MAST1: variants seen among roughly 807,000 people sequenced by gnomAD.
MAST1 encodes microtubule associated serine/threonine kinase 1, also known as microtubule-associated serine/threonine-protein kinase 1.
Under a neutral mutation model 124.6 loss-of-function variants are expected in MAST1, and 40 were observed. That is an observed-to-expected ratio of 0.32 (90% confidence interval 0.25 to 0.42). The LOEUF (loss-of-function observed/expected upper bound fraction) is 0.42. Ranked by LOEUF, MAST1 falls within the 10% of genes least tolerant of loss-of-function variation. The pLI is 1.00. For missense variants in MAST1, 1,558 were observed against 2,181.9 expected (o/e 0.71, Z 5.70); for synonymous variants, 938 against 939.4 (o/e 1.00, Z 0.03).
chr19:12,856,457 C>T (rs1970018734), intron 10 of MAST1, among the ~76,000 whole-genome samples: 1 of 151,914 alleles, frequency 6.6e-6, no homozygotes, highest in African/African-American at 2.4e-5. Flanking sequence ...CAACCACCAC[C>T]ACGCCTGGCT....
Position 12,865,101 on chromosome 19 carries a change from A to T in MAST1, c.1561A>T (p.Met521Leu). 1 of 1,614,074 alleles carries T rather than the reference A, an allele frequency of 6.2e-7. No homozygotes were observed. Among genetic ancestry groups the T allele is most frequent in the Non-Finnish European group, 8.5e-7 (1 of 1,180,014 alleles). ...GCTCACAGATTTCGGCCTCTCCAAG[A>T]TGGGGCTCATGAGCCTCACCACCAA... ...IKLTDFGLSK[M>L]GLMSLTTNLY... is the part of the protein sequence containing the mutation. Residue 521 changes from methionine (M) to leucine (L), a missense_variant, in exon 14 of 26, where the codon ATG becomes TTG. By Grantham distance (15) the Met-to-Leu change is conservative (BLOSUM62 2). Coordinates refer to ENST00000251472, the MANE Select transcript of MAST1 (RefSeq NM_014975.3). The surrounding 1 kb of genome is among the most constrained non-coding windows in gnomAD (Gnocchi z 7.1).
At chr19:12,840,618 A>C in intron 2 of MAST1, 84 bp downstream of exon 2, 1 of 1,007,086 alleles carries the variant, frequency 9.9e-7, no homozygotes, top group South Asian at 1.4e-5. Flanking sequence ...GTCATGCTAC[A>C]GAAGGGGCGC....
At chr19:12,860,888 C>T (rs1479667043) in intron 12 of MAST1, among the ~76,000 whole-genome samples, 2 of 152,034 alleles carry the variant, frequency 1.3e-5, no homozygotes, top group Non-Finnish European at 2.9e-5. Context: ...GCCTTCCAGT[C>T]AACCATCCAG....
At chr19:12,870,407 C>T (rs1970216828) in intron 22 of MAST1, among the ~76,000 whole-genome samples, 2 of 149,306 alleles carry the variant, frequency 1.3e-5, no homozygotes, top group Non-Finnish European at 3.0e-5. Flanking sequence ...AGGATAATCG[C>T]GTGAACCCGG....
In MAST1 at chr19:12,874,083, A is replaced by T. The variant is rs1259793185; in HGVS notation, c.3926A>T (p.Glu1309Val). 1 of 1,576,744 alleles carries T rather than the reference A, an allele frequency of 6.3e-7. No homozygotes were observed. The highest frequency in any genetic ancestry group is 8.6e-7 in the Non-Finnish European group (1 of 1,164,564). Residue 1309 changes from glutamate (E) to valine (V), a missense_variant, in exon 26 of 26, where the codon GAG becomes GTG. Glu to Val is a moderately radical substitution (Grantham distance 121, BLOSUM62 -2). Coordinates refer to ENST00000251472, the MANE Select transcript of MAST1 (RefSeq NM_014975.3). The surrounding 1 kb of genome is among the most constrained non-coding windows in gnomAD (Gnocchi z 6.6). ...GAGCTGGCGCTGCATAGCCTTGCCGAGTCCGACGGTGAGACGCCCCCAGTC... is the reference window on the plus strand; with the variant it reads ...GAGCTGGCGCTGCATAGCCTTGCCGTGTCCGACGGTGAGACGCCCCCAGTC... ...HGELALHSLA[E>V]SDGETPPVEG... is the part of the protein sequence containing the mutation.
chr19:12,856,223 C>G (rs1970015573), intron 10 of MAST1, among the ~76,000 whole-genome samples: 1 of 149,550 alleles, frequency 6.7e-6, no homozygotes, highest in African/African-American at 2.5e-5. Context: ...GAAAGATATA[C>G]AGTGAAAAAA....
At position 12,858,353 on chromosome 19, in the gene MAST1, T is replaced by C. The variant is rs1274019845; in HGVS notation, c.1078-9T>C. On this transcript the variant is annotated splice_polypyrimidine_tract_variant and intron_variant, in intron 10 of 25. Transcript: ENST00000251472. ...TGATGGTGGTGTGGTCTCCATCTTT[T>C]TCCTGAAGGGCCGCAGCAGCAAGGC... 38 of 1,612,996 alleles carry C rather than the reference T, an allele frequency of 2.4e-5. No individual in the cohort carries two copies. The East Asian group carries it at 8.2e-4, about 35-fold the overall frequency.
chr19:12,838,552 C>T lies in MAST1; in HGVS notation c.-21C>T, dbSNP rs1969787292. On this transcript the variant is annotated 5_prime_UTR_variant, in exon 1 of 26. Coordinates refer to ENST00000251472, the MANE Select transcript of MAST1 (RefSeq NM_014975.3). The surrounding 1 kb of genome is among the most constrained non-coding windows in gnomAD (Gnocchi z 4.3). ...TCCGCCGCTGCTGCCGCACCTGCCA[C>T]CATGTCGCCGCCGCCGGGTCATGTC... is the stretch of plus-strand genomic sequence containing the variant. 1 of 1,507,028 alleles carries T rather than the reference C, an allele frequency of 6.6e-7. No homozygotes were observed. The highest frequency in any genetic ancestry group is 8.9e-7 in the Non-Finnish European group (1 of 1,124,260). 93.4% of individuals were successfully genotyped at this position (1,507,028 alleles called of 1,614,324 possible).
chr19:12,863,270 T>C (rs1970108964), intron 12 of MAST1, among the ~76,000 whole-genome samples: 1 of 151,746 alleles, frequency 6.6e-6, no homozygotes, highest in Admixed American at 6.6e-5. Context: ...ATGACTGCTC[T>C]AGTCCAGGTT....
At chr19:12,853,298 C>A (rs180807246) in intron 10 of MAST1, among the ~76,000 whole-genome samples, 1 of 147,780 alleles carries the variant, frequency 6.8e-6, no homozygotes, top group East Asian at 2.3e-4. Context: ...ATGAACAATT[C>A]GGGGCCGGGT....
rs770615841 is a variant in MAST1 at position 12,864,988 on chromosome 19, G to A, written c.1505+41G>A. ...TCCCATCACTCCCTCTGTCCCTCGG[G>A]AGGCCAGGAGGCAGAATGGACGGGC... On this transcript the variant is annotated intron_variant, in intron 13 of 25. Transcript: ENST00000251472. 6.1e-5 allele frequency: 99 copies of A among 1,613,588 alleles called. No homozygotes were observed. The Middle Eastern group carries it at 2.3e-3, about 38-fold the overall frequency.
At position 12,866,114 on chromosome 19, in the gene MAST1, C is replaced by T; in HGVS notation, c.2029+12C>T. On this transcript the variant is annotated intron_variant, in intron 17 of 25. Coordinates refer to ENST00000251472, the MANE Select transcript of MAST1 (RefSeq NM_014975.3). The surrounding 1 kb of genome is among the most constrained non-coding windows in gnomAD (Gnocchi z 5.2). ...TAGCTACTTTGACAGTGAGCTGGGA[C>T]ACCAGGCACGACCTGGGTCGAGGGG... 1 of 1,613,720 alleles carries T rather than the reference C, an allele frequency of 6.2e-7. No homozygotes were observed. Among genetic ancestry groups the T allele is most frequent in the Non-Finnish European group, 8.5e-7 (1 of 1,179,998 alleles).
chr19:12,868,102 G>GTTTTTTTTTTT (rs1568414424), intron 20 of MAST1, 125 bp downstream of exon 20: 39 of 539,184 alleles, frequency 7.2e-5, no homozygotes, highest in Middle Eastern at 7.1e-4. Context: ...TGCAATTTGG[G>GTTTTTTTTTTT]ATTTTTTTTT....
intron 7 of MAST1, among the ~76,000 whole-genome samples, chr19:12,851,611 C>T (rs1346385693): frequency 6.6e-6 from 1 of 152,178 alleles, no homozygotes; most frequent in African/African-American, 2.4e-5. Context: ...TTCAGCCTCC[C>T]AAGTAGCTGG....
At chr19:12,861,534 C>T (rs1002236277) in intron 12 of MAST1, among the ~76,000 whole-genome samples, 5 of 151,996 alleles carry the variant, frequency 3.3e-5, no homozygotes, top group Admixed American at 1.3e-4. Context: ...CCCATGGAGC[C>T]GAAGGCAAGT....
chr19:12,841,183 G>A lies in MAST1; in HGVS notation c.248+117G>A. 1.6e-6 allele frequency: 1 copy of A among 641,022 alleles called. No homozygotes were observed. Among genetic ancestry groups the A allele is most frequent in the Non-Finnish European group, 2.8e-6 (1 of 352,192 alleles). The allele number at this position is 641,022 out of a possible 1,614,324, so 39.7% of individuals were successfully genotyped here. A position where few individuals can be genotyped will look rare whatever the true frequency, so the allele number is the denominator to read the frequency against. On this transcript the variant is annotated intron_variant, in intron 3 of 25. Coordinates refer to ENST00000251472, the MANE Select transcript of MAST1 (RefSeq NM_014975.3). The surrounding 1 kb of genome is among the most constrained non-coding windows in gnomAD (Gnocchi z 4.3). ...CGAGCTGGGGCCTGAGGGGACCAGCGAGTGCCCCAAGGTCTCAGCGGGAAG... is the reference window on the plus strand; with the variant it reads ...CGAGCTGGGGCCTGAGGGGACCAGCAAGTGCCCCAAGGTCTCAGCGGGAAG...
chr19:12,843,438 C>A lies in MAST1; in HGVS notation c.249-91C>A. On this transcript the variant is annotated intron_variant, in intron 3 of 25. Coordinates refer to ENST00000251472, the MANE Select transcript of MAST1 (RefSeq NM_014975.3). The surrounding 1 kb of genome is among the most constrained non-coding windows in gnomAD (Gnocchi z 4.9). Reference sequence around the variant, plus strand: ...GCAGATATATTCCCCCAACCCCCACCCTGGCCCTGGCCAGTGGCTTCACCC... The same window carrying A: ...GCAGATATATTCCCCCAACCCCCACACTGGCCCTGGCCAGTGGCTTCACCC... 4 of 941,098 alleles carry A rather than the reference C, an allele frequency of 4.3e-6. No individual in the cohort carries two copies. The highest frequency in any genetic ancestry group is 6.7e-6 in the Non-Finnish European group (4 of 595,406). 58.3% of individuals were successfully genotyped at this position (941,098 alleles called of 1,614,324 possible). A position where few individuals can be genotyped will look rare whatever the true frequency, so the allele number is the denominator to read the frequency against.
Position 12,866,550 on chromosome 19 carries a change from T to C in MAST1, c.2030-103T>C. 1.3e-6 allele frequency: 1 copy of C among 748,870 alleles called. No individual in the cohort carries two copies. Among genetic ancestry groups the C allele is most frequent in the Non-Finnish European group, 2.3e-6 (1 of 431,734 alleles). The allele number at this position is 748,870 out of a possible 1,614,324, so 46.4% of individuals were successfully genotyped here. A position where few individuals can be genotyped will look rare whatever the true frequency, so the allele number is the denominator to read the frequency against. ...AATGAGGCAGGGGCGTGGCCTGACC[T>C]GAAGACTTGTAAACCCGTCTTGAAC... On this transcript the variant is annotated intron_variant, in intron 17 of 25. Transcript: ENST00000251472. This position sits in a 1 kb window ranked among gnomAD's most constrained non-coding sequence, Gnocchi z 5.2.
chr19:12,874,650 C>T lies in MAST1; in HGVS notation c.4493C>T (p.Pro1498Leu). The change falls in exon 26 of 26, where the codon CCC becomes CTC. Residue 1498 changes from proline (P) to leucine (L), a missense_variant. Coordinates refer to ENST00000251472, the MANE Select transcript of MAST1 (RefSeq NM_014975.3). The surrounding 1 kb of genome is among the most constrained non-coding windows in gnomAD (Gnocchi z 6.6). ...ACGCTGAGCGGTCCTCGCTCCAAGC[C>T]CGCCTCCCCAAAGCTCTCCCCGGAG... ...RTTLSGPRSK[P>L]ASPKLSPEPQ... The T allele has an allele frequency of 6.5e-7, 1 of 1,528,832 alleles. No individual in the cohort carries two copies. Among genetic ancestry groups the T allele is most frequent in the East Asian group, 2.3e-5 (1 of 43,720 alleles). The allele number at this position is 1,528,832 out of a possible 1,614,324, so 94.7% of individuals were successfully genotyped here. A position where few individuals can be genotyped will look rare whatever the true frequency, so the allele number is the denominator to read the frequency against.
Sources: allele counts gnomAD v4.1 joint callset (sites outside exome capture counted in the v4.1 genomes callset), GRCh38; gene constraint gnomAD v4.1.1; non-coding constraint Gnocchi (gnomAD v3.1); transcripts MANE v1.5; gene names NCBI Gene and HGNC (gene_info 2026-07-23, HGNC 2026-07-21).